The following PHF24 variants were observed in gnomAD, a reference collection of about 807,000 sequenced individuals.
PHF24 encodes the protein PHD finger protein 24, also known as Galpha inhibitory interacting protein.
Under a neutral mutation model 42.6 loss-of-function variants are expected in PHF24, and 25 were observed. That is an observed-to-expected ratio of 0.59 (90% CI 0.43 to 0.82). The LOEUF is 0.82. Among genes scored for constraint, PHF24 ranks in the 40% least tolerant of loss-of-function variants. The pLI, the probability that PHF24 is intolerant of heterozygous loss-of-function variation, is 0.00. For synonymous variants in PHF24, 185 were observed against 204.8 expected (o/e 0.90, Z 0.83); for missense variants, 470 against 538.1 (o/e 0.87, Z 1.25).
At chr9:34,841,598 C>G in the PHF24 span, among the ~76,000 whole-genome samples, 1 of 152,112 alleles carries the variant, frequency 6.6e-6, no homozygotes, top group Admixed American at 6.5e-5. Flanking sequence ...TGGCTCACAC[C>G]TATAATCCCA....
At chr9:34,701,382 G>C in the PHF24 span, among the ~76,000 whole-genome samples, 1 of 152,256 alleles carries the variant, frequency 6.6e-6, no homozygotes, top group African/African-American at 2.4e-5. The surrounding 1 kb of genome is among the most constrained non-coding windows in gnomAD (Gnocchi z 5.8). Flanking sequence ...CTGGGCGACC[G>C]GGGCATGTGT....
the PHF24 span, among the ~76,000 whole-genome samples, chr9:34,813,112 T>G: frequency 6.6e-6 from 1 of 152,158 alleles, no homozygotes; most frequent in East Asian, 1.9e-4. Context: ...CTCCACAGCT[T>G]TGTAGATTTC....
the PHF24 span, chr9:34,723,339 G>A: frequency 4.5e-6 from 7 of 1,551,598 alleles, no homozygotes; most frequent in East Asian, 1.7e-4. Flanking sequence ...CTGGAGTGTA[G>A]CCGGAGCTTA....
the PHF24 span, chr9:34,729,145 C>T: frequency 2.8e-6 from 3 of 1,069,526 alleles, no homozygotes; most frequent in Non-Finnish European, 3.9e-6. Context: ...ATTATAGTCT[C>T]TGAGAAGAAA....
the PHF24 span, among the ~76,000 whole-genome samples, chr9:34,701,534 C>A: frequency 2.0e-5 from 3 of 152,222 alleles, no homozygotes; most frequent in East Asian, 1.9e-4. This position sits in a 1 kb window ranked among gnomAD's most constrained non-coding sequence, Gnocchi z 5.8. Flanking sequence ...TGTGACCCTG[C>A]GAGCTCCTCA....
the PHF24 span, among the ~76,000 whole-genome samples, chr9:34,824,241 TG>T: frequency 2.0e-5 from 3 of 152,182 alleles, no homozygotes; most frequent in Non-Finnish European, 4.4e-5. Flanking sequence ...TCACAGAGTC[TG>T]GGGGCATGGC....
the PHF24 span, among the ~76,000 whole-genome samples, chr9:34,841,628 C>A: frequency 6.6e-6 from 1 of 152,284 alleles, no homozygotes; most frequent in African/African-American, 2.4e-5. Flanking sequence ...GAGGCCGAGG[C>A]AGGCAGATTA....
the PHF24 span, among the ~76,000 whole-genome samples, chr9:34,788,887 C>A: frequency 6.6e-6 from 1 of 152,138 alleles, no homozygotes; most frequent in Non-Finnish European, 1.5e-5. Flanking sequence ...CTGCAGTTAA[C>A]CTGTCAGAAT....
At chr9:34,922,954 G>T in the PHF24 span, 1 of 1,333,074 alleles carries the variant, frequency 7.5e-7, no homozygotes, top group Non-Finnish European at 1.0e-6. Flanking sequence ...CTCACCTTGT[G>T]TCGGCATGGC....
the PHF24 span, among the ~76,000 whole-genome samples, chr9:34,906,826 A>T: frequency 6.6e-6 from 1 of 152,170 alleles, no homozygotes; most frequent in Non-Finnish European, 1.5e-5. Flanking sequence ...ATAGGGATTC[A>T]AATAACCAGG....
the PHF24 span, among the ~76,000 whole-genome samples, chr9:34,743,184 A>G: frequency 6.6e-6 from 1 of 152,248 alleles, no homozygotes; most frequent in South Asian, 2.1e-4. Context: ...TAAATGCTGT[A>G]TAAAGGCTTT....
chr9:34,923,948 A>T, the PHF24 span, among the ~76,000 whole-genome samples: 3 of 151,996 alleles, frequency 2.0e-5, no homozygotes, highest in African/African-American at 7.2e-5. Flanking sequence ...TTATTGCTAT[A>T]AATTTTCCTC....
the PHF24 span, chr9:34,833,799 A>G: frequency 1.9e-6 from 3 of 1,551,394 alleles, no homozygotes; most frequent in Admixed American, 3.9e-5. Flanking sequence ...AGACTTATAC[A>G]CTGTTCTTCA....
the PHF24 span, among the ~76,000 whole-genome samples, chr9:34,780,923 A>G: frequency 1.3e-5 from 2 of 152,208 alleles, no homozygotes; most frequent in Non-Finnish European, 2.9e-5. Flanking sequence ...CCCTTTCACA[A>G]TGAGATACCA....
the PHF24 span, among the ~76,000 whole-genome samples, chr9:34,888,208 A>C: frequency 6.6e-6 from 1 of 152,154 alleles, no homozygotes; most frequent in South Asian, 2.1e-4. Context: ...AACATTCCCC[A>C]AAACTAGATT....
chr9:34,896,406 G>A, the PHF24 span, among the ~76,000 whole-genome samples: 6 of 152,162 alleles, frequency 3.9e-5, no homozygotes, highest in East Asian at 3.9e-4. Flanking sequence ...CCCAATCTGC[G>A]TGGTCCAGCC....
the PHF24 span, among the ~76,000 whole-genome samples, chr9:34,685,805 A>T: frequency 4.6e-5 from 7 of 152,184 alleles, no homozygotes; most frequent in Non-Finnish European, 7.4e-5. Flanking sequence ...GGCTTTCCCT[A>T]TTTCCATGGG....
chr9:34,772,991 GTT>G, the PHF24 span, among the ~76,000 whole-genome samples: 4 of 136,782 alleles, frequency 2.9e-5, no homozygotes, highest in Admixed American at 7.4e-5. Flanking sequence ...TCAGAGTTCT[GTT>G]TTTTTTTTTT....
upstream of PHF24, among the ~76,000 whole-genome samples, chr9:34,954,602 C>G (rs1431082949): frequency 1.3e-5 from 2 of 152,194 alleles, no homozygotes; most frequent in Non-Finnish European, 2.9e-5. Flanking sequence ...CCCCCACAGT[C>G]TCTTTAATAT....
Sources: allele counts gnomAD v4.1 joint callset (sites outside exome capture counted in the v4.1 genomes callset), GRCh38; gene constraint gnomAD v4.1.1; non-coding constraint Gnocchi (gnomAD v3.1); transcripts MANE v1.5; gene names NCBI Gene and HGNC (gene_info 2026-07-23, HGNC 2026-07-21).